The following SCMH1 variants were observed in gnomAD, a reference collection of about 807,000 sequenced individuals.
SCMH1 encodes Scm polycomb group protein homolog 1.
A neutral mutation model predicts 70.8 loss-of-function variants in SCMH1; 37 were observed. The observed-to-expected ratio is 0.52, with a 90% confidence interval of 0.40 to 0.69. The LOEUF is 0.69. Among genes scored for constraint, SCMH1 ranks in the 30% least tolerant of loss-of-function variants. The pLI is 0.00. For missense variants in SCMH1, 607 were observed against 827.3 expected (o/e 0.73, Z 3.27); for synonymous variants, 292 against 307.4 (o/e 0.95, Z 0.52).
chr1:41,116,822 C>T, intron 7 of SCMH1, 100 bp downstream of exon 7: 1 of 861,964 alleles, frequency 1.2e-6, no homozygotes, highest in African/African-American at 1.7e-5. Context: ...GAACTAATTT[C>T]TGAGAAGGCA....
intron 1 of SCMH1, among the ~76,000 whole-genome samples, chr1:41,238,367 G>C (rs1229558754): frequency 5.9e-5 from 9 of 152,128 alleles, no homozygotes. Context: ...CAAACAGAAT[G>C]ATTAATATGA....
chr1:41,159,684 T>C, intron 4 of SCMH1: 1 of 1,508,034 alleles, frequency 6.6e-7, no homozygotes, highest in Non-Finnish European at 8.9e-7. Flanking sequence ...TAAAGAATAA[T>C]AAAAAATAAC....
At chr1:41,228,924 C>T (rs1288501534) in intron 1 of SCMH1, among the ~76,000 whole-genome samples, 1 of 152,118 alleles carries the variant, frequency 6.6e-6, no homozygotes, top group Non-Finnish European at 1.5e-5. Flanking sequence ...AAGCTTGGAC[C>T]AGGTTGGTGG....
At chr1:41,070,094 G>A (rs1655964632) in intron 10 of SCMH1, among the ~76,000 whole-genome samples, 1 of 152,104 alleles carries the variant, frequency 6.6e-6, no homozygotes, top group Non-Finnish European at 1.5e-5. Context: ...TACTGTCATA[G>A]ACAGTTTATG....
chr1:41,156,921 C>A (rs213737), intron 4 of SCMH1, among the ~76,000 whole-genome samples: 4,836 of 151,456 alleles, frequency 0.032, 117 homozygotes, highest in East Asian at 0.095. Context: ...GCCTCGGACT[C>A]CCAAAGTGCT....
At chr1:41,230,354 A>T (rs999938116) in intron 1 of SCMH1, among the ~76,000 whole-genome samples, 4 of 152,212 alleles carry the variant, frequency 2.6e-5, no homozygotes, top group African/African-American at 4.8e-5. Flanking sequence ...AATGAACTAA[A>T]AATGGAGAAA....
In SCMH1 at chr1:41,113,202, G is replaced by A; in HGVS notation, c.745+81C>T. 1 of 1,521,152 alleles carries A rather than the reference G, an allele frequency of 6.6e-7. No homozygotes were observed. Among genetic ancestry groups the A allele is most frequent in the Non-Finnish European group, 8.9e-7 (1 of 1,129,598 alleles). 94.2% of individuals were successfully genotyped at this position (1,521,152 alleles called of 1,614,324 possible). ...CTGCATACTAGTGAAGTATACTGGTGAAGATATGATCATGACAGCCCTGGG... is the reference window on the plus strand; with the variant it reads ...CTGCATACTAGTGAAGTATACTGGTAAAGATATGATCATGACAGCCCTGGG... On this transcript the variant is annotated intron_variant, in intron 8 of 14. Coordinates refer to ENST00000337495, the Ensembl canonical transcript of SCMH1. The surrounding 1 kb of genome is among the most constrained non-coding windows in gnomAD (Gnocchi z 4.3).
chr1:41,098,434 C>T (rs1665677962), intron 8 of SCMH1, among the ~76,000 whole-genome samples: 1 of 152,138 alleles, frequency 6.6e-6, no homozygotes, highest in South Asian at 2.1e-4. Flanking sequence ...TATGTAAATT[C>T]TTAACTCCTT....
chr1:41,072,096 A>G (rs1656739509), intron 9 of SCMH1, among the ~76,000 whole-genome samples: 1 of 152,216 alleles, frequency 6.6e-6, no homozygotes, highest in African/African-American at 2.4e-5. Flanking sequence ...TATGTTCTCT[A>G]AAGAGATAGC....
intron 8 of SCMH1, among the ~76,000 whole-genome samples, chr1:41,094,919 C>T (rs1664668225): frequency 6.6e-6 from 1 of 151,818 alleles, no homozygotes; most frequent in Admixed American, 6.6e-5. Flanking sequence ...TTTTCCTAGA[C>T]AGCCATATCT....
chr1:41,128,280 C>T (rs1258668168), intron 6 of SCMH1, among the ~76,000 whole-genome samples: 2 of 152,082 alleles, frequency 1.3e-5, no homozygotes, highest in Non-Finnish European at 2.9e-5. Context: ...TTGCAGAGAT[C>T]CATTTTTTCC....
At chr1:41,214,185 T>C (rs1657627748) in intron 1 of SCMH1, among the ~76,000 whole-genome samples, 1 of 152,142 alleles carries the variant, frequency 6.6e-6, no homozygotes, top group Non-Finnish European at 1.5e-5. Flanking sequence ...AAGCCTGAGA[T>C]AAAAATCTGT....
chr1:41,046,906 T>A (rs1049626518), intron 11 of SCMH1, among the ~76,000 whole-genome samples: 2 of 152,244 alleles, frequency 1.3e-5, no homozygotes, highest in Non-Finnish European at 2.9e-5. Context: ...CATCACTTGG[T>A]TGGACCTCCC....
At chr1:41,048,147 A>G (rs1647073762) in intron 11 of SCMH1, among the ~76,000 whole-genome samples, 1 of 152,250 alleles carries the variant, frequency 6.6e-6, no homozygotes, top group African/African-American at 2.4e-5. Flanking sequence ...AAACAGAATC[A>G]GGACACAGGA....
intron 2 of SCMH1, among the ~76,000 whole-genome samples, chr1:41,171,885 C>A (rs1165952740): frequency 6.6e-6 from 1 of 152,026 alleles, no homozygotes; most frequent in Non-Finnish European, 1.5e-5. Context: ...TGGGATACAG[C>A]AAAAGCAATA....
intron 1 of SCMH1, among the ~76,000 whole-genome samples, chr1:41,207,655 CA>C (rs1655885228): frequency 6.6e-6 from 1 of 152,136 alleles, no homozygotes; most frequent in Non-Finnish European, 1.5e-5. Flanking sequence ...CAAGGATATC[CA>C]GGACTTGAAC....
chr1:41,180,407 AAAAGAGG>A (rs966231593), intron 2 of SCMH1, among the ~76,000 whole-genome samples: 2 of 152,210 alleles, frequency 1.3e-5, no homozygotes, highest in South Asian at 4.1e-4. Flanking sequence ...TTCAATTAGG[AAAAGAGG>A]AAGTCAAATT....
At chr1:41,102,269 G>A (rs866683278) in intron 8 of SCMH1, among the ~76,000 whole-genome samples, 2 of 152,190 alleles carry the variant, frequency 1.3e-5, no homozygotes, top group South Asian at 4.1e-4. Flanking sequence ...TCAGTTTCCT[G>A]GAATGGAATC....
In SCMH1 at chr1:41,233,366, G is replaced by GCTTGC. The variant is rs1277841523; in HGVS notation, c.-118+8692_-118+8693insGCAAG. On this transcript the variant is annotated intron_variant, in intron 1 of 14. Coordinates refer to ENST00000337495, the Ensembl canonical transcript of SCMH1. ...AAAATCCACTAAACTAGCAAGCTAAGTTTTATCTTTATCAAAACCAGAAAG... is the reference window on the plus strand; with the variant it reads ...AAAATCCACTAAACTAGCAAGCTAAGCTTGCTTTTATCTTTATCAAAACCAGAAAG... 3.3e-5 allele frequency among the ~76,000 whole-genome samples: 5 copies of GCTTGC among 152,122 alleles called. No homozygotes were observed. In the East Asian group the frequency reaches 9.6e-4, roughly 29 times the overall value.
Sources: allele counts gnomAD v4.1 joint callset (sites outside exome capture counted in the v4.1 genomes callset), GRCh38; gene constraint gnomAD v4.1.1; non-coding constraint Gnocchi (gnomAD v3.1); transcripts MANE v1.5; gene names NCBI Gene and HGNC (gene_info 2026-07-23, HGNC 2026-07-21).